Variants in TEAD2 observed in about 807,000 individuals in gnomAD.
TEAD2 encodes the protein transcriptional enhancer factor TEF-4.
In TEAD2, 51 loss-of-function variants were observed where a neutral mutation model predicts 61.4. That is an observed-to-expected ratio of 0.83 (90% CI 0.66 to 1.05). TEAD2 has a LOEUF of 1.05. TEAD2 is among the 50% of genes least tolerant of loss of function. The pLI is 0.00. For missense variants in TEAD2, 509 were observed against 600.0 expected (o/e 0.85, Z 1.58); for synonymous variants, 244 against 243.2 (o/e 1.00, Z -0.03).
At position 49,341,230 on chromosome 19, in the gene TEAD2, A is replaced by C. The variant is rs1971236324; in HGVS notation, c.*94T>G. On this transcript the variant is annotated 3_prime_UTR_variant, in exon 13 of 13. Coordinates refer to ENST00000593945, the MANE Select transcript of TEAD2 (RefSeq NM_001256660.2). The surrounding 1 kb of genome is among the most constrained non-coding windows in gnomAD (Gnocchi z 4.2). ...TCTGAGGTCAACCCCTTTACATCAC[A>C]GCCCTCTCCCCAAATAAGAAGCATG... is the stretch of plus-strand genomic sequence containing the variant. 9.0e-6 allele frequency: 10 copies of C among 1,114,044 alleles called. No homozygotes were observed. In the South Asian group the frequency reaches 1.3e-4, roughly 14 times the overall value. 69.0% of individuals were successfully genotyped at this position (1,114,044 alleles called of 1,614,324 possible). A position where few individuals can be genotyped will look rare whatever the true frequency, so the allele number is the denominator to read the frequency against.
intron 7 of TEAD2, among the ~76,000 whole-genome samples, chr19:49,351,846 T>C (rs1238274270): frequency 3.3e-5 from 5 of 150,152 alleles, no homozygotes; most frequent in African/African-American, 1.2e-4. Context: ...ATTAGCAGAG[T>C]GTGGTGGTGC....
intron 9 of TEAD2, 37 bp from the exon 10 acceptor site, chr19:49,347,400 G>A (rs1971724418): frequency 8.2e-6 from 13 of 1,593,344 alleles, no homozygotes; most frequent in African/African-American, 6.7e-5. Context: ...AGTCGGAGGT[G>A]AGCTGGATCT....
In TEAD2 at chr19:49,347,243, G is replaced by A. The variant is rs530263544; in HGVS notation, c.868C>T (p.Arg290Ter). The A allele has an allele frequency of 7.4e-6, 12 of 1,614,150 alleles. No individual in the cohort carries two copies. Among genetic ancestry groups the A allele is most frequent in the South Asian group, 1.1e-5 (1 of 91,086 alleles). Residue 290 changes from arginine (R) to a stop codon, truncating the protein, a stop_gained, in exon 10 of 13, where the codon CGA becomes TGA. Transcript: ENST00000593945. LOFTEE classifies it high-confidence loss of function. ...GGGGGGCCACGATCATATAGCTCTC[G>A]GAGGCCACCCTTTTTCTCAGGGAAT... is the stretch of plus-strand genomic sequence containing the variant. ...DKFPEKKGGLRELYDRGPPHA... is the reference protein window; with the variant it reads ...DKFPEKKGGL
In TEAD2 at chr19:49,359,574, A is replaced by C; in HGVS notation, c.233-75T>G. 1 of 1,544,070 alleles carries C rather than the reference A, an allele frequency of 6.5e-7. No homozygotes were observed. The highest frequency in any genetic ancestry group is 8.9e-7 in the Non-Finnish European group (1 of 1,117,488). On this transcript the variant is annotated intron_variant, in intron 2 of 12. Coordinates refer to ENST00000593945, the MANE Select transcript of TEAD2 (RefSeq NM_001256660.2). The surrounding 1 kb of genome is among the most constrained non-coding windows in gnomAD (Gnocchi z 4.1). ...CCCCACAGCATGGACACCAGGGAAGAAGAAAGCAGCATGGGTCCCCAAAGG... is the reference window on the plus strand; with the variant it reads ...CCCCACAGCATGGACACCAGGGAAGCAGAAAGCAGCATGGGTCCCCAAAGG...
chr19:49,351,733 C>A (rs1183609307), intron 7 of TEAD2, among the ~76,000 whole-genome samples: 2 of 152,046 alleles, frequency 1.3e-5, no homozygotes, highest in Admixed American at 6.6e-5. Flanking sequence ...CACCTGTAAT[C>A]CCAGCACTTC....
intron 4 of TEAD2, 103 bp downstream of exon 4, chr19:49,357,149 T>C (rs78208697): frequency 1.5e-5 from 17 of 1,129,738 alleles, no homozygotes; most frequent in Non-Finnish European, 2.0e-5. Context: ...CCGCTCTAAG[T>C]CTCTGTCCCC....
At chr19:49,357,812 T>C (rs1600778290) in intron 3 of TEAD2, 2 of 171,370 alleles carry the variant, frequency 1.2e-5, no homozygotes, top group Middle Eastern at 5.8e-3. Context: ...GATCTGGTTG[T>C]TTAGGCCAGG....
At position 49,360,052 on chromosome 19, in the gene TEAD2, G is replaced by T. The variant is rs748077905; in HGVS notation, c.24C>A (p.Ala8=). The change falls in exon 2 of 13, where the codon GCC becomes GCA. Residue 8 remains alanine, a synonymous_variant. Transcript: ENST00000593945. ...TCCAGCCGCTGCCATCGTCCAGGGC[G>T]GCCCCAGCCCGGGGTTCCCCCATCT... MGEPRAG[A]ALDDGSGWTG... 6.2e-7 allele frequency: 1 copy of T among 1,607,042 alleles called. No individual in the cohort carries two copies. The highest frequency in any genetic ancestry group is 1.7e-5 in the Admixed American group (1 of 60,010).
intron 11 of TEAD2, 115 bp downstream of exon 11, chr19:49,343,116 A>G (rs539029995): frequency 3.7e-4 from 468 of 1,280,466 alleles, no homozygotes; most frequent in Admixed American, 5.9e-4. Context: ...TAAACCCTCA[A>G]AGAGGCTGGG....
At chr19:49,344,742 C>T (rs1471305396) in intron 10 of TEAD2, among the ~76,000 whole-genome samples, 1 of 152,188 alleles carries the variant, frequency 6.6e-6, no homozygotes, top group Non-Finnish European at 1.5e-5. Context: ...TCCCTAGCAA[C>T]GGGACCTCAC....
At position 49,340,725 on chromosome 19, in the gene TEAD2, T is replaced by G. The variant is rs927558192; in HGVS notation, c.*599A>C. On this transcript the variant is annotated 3_prime_UTR_variant, in exon 13 of 13. Transcript: ENST00000593945. Reference sequence around the variant, plus strand: ...ATTAGAAAGTTCAACACACTGCTTGTGCAGCGGAGATAAAGTCAAGACCCT... The same window carrying G: ...ATTAGAAAGTTCAACACACTGCTTGGGCAGCGGAGATAAAGTCAAGACCCT... 1.2e-5 allele frequency: 4 copies of G among 344,358 alleles called. No homozygotes were observed. Among genetic ancestry groups the G allele is most frequent in the Non-Finnish European group, 2.2e-5 (4 of 182,170 alleles). 21.3% of individuals were successfully genotyped at this position (344,358 alleles called of 1,614,324 possible). A position where few individuals can be genotyped will look rare whatever the true frequency, so the allele number is the denominator to read the frequency against.
At position 49,357,408 on chromosome 19, in the gene TEAD2, T is replaced by C. The variant is rs563262355; in HGVS notation, c.298-94A>G. On this transcript the variant is annotated intron_variant, in intron 3 of 12. Transcript: ENST00000593945. The stretch of plus-strand genomic sequence containing the variant: ...CCCTCCAGGTGCCTCACTGAGCTGC[T>C]GGACCATGAAAGGTGAAAAACACAC... 4.6e-5 allele frequency: 60 copies of C among 1,307,970 alleles called. No individual in the cohort carries two copies. In the East Asian group the frequency reaches 1.4e-3, roughly 31 times the overall value. The allele number at this position is 1,307,970 out of a possible 1,614,324, so 81.0% of individuals were successfully genotyped here.
At chr19:49,345,087 G>T (rs191968871) in intron 10 of TEAD2, among the ~76,000 whole-genome samples, 3 of 152,204 alleles carry the variant, frequency 2.0e-5, no homozygotes, top group Admixed American at 1.3e-4. Flanking sequence ...GCTTCCTAAG[G>T]GGGTGGCTCT....
At chr19:49,352,655 G>A (rs1336408465) in intron 7 of TEAD2, among the ~76,000 whole-genome samples, 2 of 152,170 alleles carry the variant, frequency 1.3e-5, no homozygotes, top group African/African-American at 4.8e-5. Flanking sequence ...TCCTGCCTCA[G>A]CCTTCCAAGT....
chr19:49,350,068 G>A (rs1380921220), intron 8 of TEAD2, among the ~76,000 whole-genome samples: 1 of 152,104 alleles, frequency 6.6e-6, no homozygotes, highest in East Asian at 1.9e-4. Flanking sequence ...TAAATCTATG[G>A]AAACTAAGGG....
intron 3 of TEAD2, among the ~76,000 whole-genome samples, chr19:49,358,446 TAA>T (rs1453042552): frequency 1.3e-5 from 2 of 151,880 alleles, no homozygotes; most frequent in East Asian, 1.9e-4. Flanking sequence ...TCTGGGTGTT[TAA>T]AAAGAGTCTG....
Position 49,359,567 on chromosome 19 carries a change from A to G in TEAD2, c.233-68T>C. The G allele has an allele frequency of 6.4e-7, 1 of 1,561,186 alleles. No homozygotes were observed. Among genetic ancestry groups the G allele is most frequent in the South Asian group, 1.1e-5 (1 of 89,828 alleles). On this transcript the variant is annotated intron_variant, in intron 2 of 12. Transcript: ENST00000593945. The surrounding 1 kb of genome is among the most constrained non-coding windows in gnomAD (Gnocchi z 4.1). Reference sequence around the variant, plus strand: ...AGAACTTCCCCACAGCATGGACACCAGGGAAGAAGAAAGCAGCATGGGTCC... The same window carrying G: ...AGAACTTCCCCACAGCATGGACACCGGGGAAGAAGAAAGCAGCATGGGTCC...
At chr19:49,351,554 T>C (rs923059582) in intron 7 of TEAD2, among the ~76,000 whole-genome samples, 189 bp from the exon 8 acceptor site, 4 of 152,054 alleles carry the variant, frequency 2.6e-5, no homozygotes, top group African/African-American at 7.2e-5. Flanking sequence ...AACTGAGGTA[T>C]AGAGGGGTCA....
In TEAD2 at chr19:49,347,322, G is replaced by A. The variant is rs370172138; in HGVS notation, c.789C>T (p.Pro263=). 95 of 1,612,682 alleles carry A rather than the reference G, an allele frequency of 5.9e-5. No individual in the cohort carries two copies. The highest frequency in any genetic ancestry group is 8.0e-5 in the Non-Finnish European group (94 of 1,180,016). Residue 263 remains proline, a synonymous_variant, in exon 10 of 13, where the codon CCC becomes CCT. Transcript: ENST00000593945. ...TCTCGAGCGGCGGCGCTCCGGGGCT[G>A]GGGCAGTGCTGGCTGATGTGCACGA... ...HLFVHISQHC[P]SPGAPPLESV... is the part of the protein sequence containing the mutation.
Sources: allele counts gnomAD v4.1 joint callset (sites outside exome capture counted in the v4.1 genomes callset), GRCh38; gene constraint gnomAD v4.1.1; non-coding constraint Gnocchi (gnomAD v3.1); transcripts MANE v1.5; gene names NCBI Gene and HGNC (gene_info 2026-07-23, HGNC 2026-07-21).